The following IL20RA variants were observed in gnomAD, a reference collection of about 807,000 sequenced individuals.
The protein encoded by IL20RA is interleukin-20 receptor subunit alpha.
A neutral mutation model predicts 36.5 loss-of-function variants in IL20RA; 29 were observed. That is an observed-to-expected ratio of 0.79 (90% CI 0.59 to 1.08). The LOEUF is 1.08. IL20RA is among the 50% of genes least tolerant of loss of function. The pLI, the probability that IL20RA is intolerant of heterozygous loss-of-function variation, is 0.00. For missense variants in IL20RA, 652 were observed against 668.4 expected, an observed-to-expected ratio of 0.98 and a Z score of 0.27; for synonymous variants, 279 against 267.1, an observed-to-expected ratio of 1.04 and a Z score of -0.43.
chr6:137,006,268 G>A (rs1054696090), intron 5 of IL20RA, among the ~76,000 whole-genome samples: 6 of 152,180 alleles, frequency 3.9e-5, no homozygotes, highest in African/African-American at 1.4e-4. Context: ...AGTTCCGCAT[G>A]CGGGCCTGTT....
chr6:137,004,639 C>T lies in IL20RA; in HGVS notation c.846G>A (p.Glu282=), dbSNP rs1213168004. Residue 282 remains glutamate, a synonymous_variant, in exon 6 of 7, where the codon GAG becomes GAA. Coordinates refer to ENST00000316649, the MANE Select transcript of IL20RA (RefSeq NM_014432.4). ...TACTCACCAAATTTGCTGGGTGTTT[C>T]TCTTTGCCAACGTGGATATATCGGT... ...SIYRYIHVGK[E]KHPANLILIY... 1.2e-6 allele frequency: 2 copies of T among 1,613,818 alleles called. No homozygotes were observed. The highest frequency in any genetic ancestry group is 8.5e-7 in the Non-Finnish European group (1 of 1,179,904).
chr6:137,011,504 T>TA (rs758393772), intron 2 of IL20RA, 52 bp from the exon 3 acceptor site: 34 of 1,209,108 alleles, frequency 2.8e-5, no homozygotes, highest in African/African-American at 1.4e-4. Flanking sequence ...TACTTTACAA[T>TA]AAAAAAACTC....
At chr6:137,008,865 C>CTGTTTT (rs1775368793) in intron 4 of IL20RA, 122 bp from the exon 5 acceptor site, 1 of 136,900 alleles carries the variant, frequency 7.3e-6, no homozygotes, top group African/African-American at 3.4e-5. Flanking sequence ...TCAGTATAAG[C>CTGTTTT]TTTTTTTTTT....
At chr6:137,009,526 C>G (rs1395802990) in intron 3 of IL20RA, 34 bp from the exon 4 acceptor site, 1 of 1,402,520 alleles carries the variant, frequency 7.1e-7, no homozygotes, top group Non-Finnish European at 1.0e-6. Context: ...TTATCATGTT[C>G]AGATGAAAAA....
intron 2 of IL20RA, among the ~76,000 whole-genome samples, chr6:137,016,079 G>A (rs1353542277): frequency 3.3e-5 from 5 of 152,154 alleles, no homozygotes; most frequent in African/African-American, 9.7e-5. Context: ...GGCTGATGTC[G>A]TAGCCTTCCT....
Position 137,009,449 on chromosome 6 carries a change from C to A in IL20RA, c.447G>T (p.Lys149Asn). 4 of 1,613,012 alleles carry A rather than the reference C, an allele frequency of 2.5e-6. No individual in the cohort carries two copies. Among genetic ancestry groups the A allele is most frequent in the Non-Finnish European group, 3.4e-6 (4 of 1,179,040 alleles). Residue 149 changes from lysine (K) to asparagine (N), a missense_variant, in exon 4 of 7, where the codon AAG becomes AAT. Lys to Asn is a moderately conservative substitution (Grantham distance 94). Transcript: ENST00000316649. ...GAGCTGTCAGGACAACAGAAATGGA[C>A]TTCTCATCTGTAGTCAGTGCCACCT... ...PPEVALTTDE[K>N]SISVVLTAPE...
intron 1 of IL20RA, among the ~76,000 whole-genome samples, chr6:137,030,507 GAC>G (rs773840869): frequency 3.3e-5 from 5 of 152,134 alleles, no homozygotes; most frequent in Admixed American, 6.5e-5. Flanking sequence ...TTCCCCTCAT[GAC>G]ACACACTTCT....
intron 5 of IL20RA, among the ~76,000 whole-genome samples, chr6:137,006,645 A>G (rs1448047762): frequency 6.6e-6 from 1 of 152,232 alleles, no homozygotes; most frequent in African/African-American, 2.4e-5. Context: ...TGTTGGAAAG[A>G]TATCTCTGGT....
At chr6:137,038,520 T>C (rs1776570897) in intron 1 of IL20RA, among the ~76,000 whole-genome samples, 2 of 152,180 alleles carry the variant, frequency 1.3e-5, no homozygotes, top group South Asian at 4.1e-4. Context: ...TTATATGTAA[T>C]TGATAGACCT....
Position 137,001,319 on chromosome 6 carries a change from C to T in IL20RA, c.*239G>A, listed in dbSNP as rs1775024445. ...CTGGCAAACATTTATTGACTGCTTT[C>T]TCTGCATAGAACAACCGGCCAGCCC... On this transcript the variant is annotated 3_prime_UTR_variant, in exon 7 of 7. Coordinates refer to ENST00000316649, the MANE Select transcript of IL20RA (RefSeq NM_014432.4). 2.6e-6 allele frequency: 1 copy of T among 384,070 alleles called. No homozygotes were observed. The highest frequency in any genetic ancestry group is 4.1e-5 in the Admixed American group (1 of 24,332). 23.8% of individuals were successfully genotyped at this position (384,070 alleles called of 1,614,324 possible). A position where few individuals can be genotyped will look rare whatever the true frequency, so the allele number is the denominator to read the frequency against.
In IL20RA at chr6:137,001,508, G is replaced by T. The variant is rs774888035; in HGVS notation, c.*50C>A. 7 of 1,476,700 alleles carry T rather than the reference G, an allele frequency of 4.7e-6. No homozygotes were observed. The highest frequency in any genetic ancestry group is 6.4e-6 in the Non-Finnish European group (7 of 1,101,710). The allele number at this position is 1,476,700 out of a possible 1,614,324, so 91.5% of individuals were successfully genotyped here. ...GTACTTTATGGCTGGGATCAAAGGG[G>T]TGACTCACTTGTTTGCACAGGAAAC... On this transcript the variant is annotated 3_prime_UTR_variant, in exon 7 of 7. Coordinates refer to ENST00000316649, the MANE Select transcript of IL20RA (RefSeq NM_014432.4).
chr6:137,042,853 C>G (rs1776750382), intron 1 of IL20RA: 1 of 152,146 alleles, frequency 6.6e-6, no homozygotes, highest in Non-Finnish European at 1.5e-5. Flanking sequence ...GATAATCCTT[C>G]AATTACGAGC....
intron 6 of IL20RA, among the ~76,000 whole-genome samples, chr6:137,003,164 A>C (rs1424223515): frequency 2.0e-5 from 3 of 152,224 alleles, no homozygotes; most frequent in African/African-American, 7.2e-5. Context: ...ACAGGTGGTC[A>C]ATTCTCCTGT....
chr6:137,041,824 A>G (rs569131635), intron 1 of IL20RA, among the ~76,000 whole-genome samples: 88 of 151,474 alleles, frequency 5.8e-4, no homozygotes, highest in African/African-American at 1.9e-3. Context: ...AAATATATAT[A>G]TATATATACT....
intron 1 of IL20RA, among the ~76,000 whole-genome samples, chr6:137,039,649 T>C (rs990928400): frequency 1.3e-5 from 2 of 152,158 alleles, no homozygotes; most frequent in Non-Finnish European, 2.9e-5. Context: ...GATGTCAGAA[T>C]ATCACAATGA....
chr6:137,044,231 G>A (rs1722079221), intron 1 of IL20RA: 1 of 989,044 alleles, frequency 1.0e-6, no homozygotes, highest in Admixed American at 6.1e-5. Context: ...ATCCACAGGG[G>A]CCCCTCCGCG....
intron 3 of IL20RA, 62 bp from the exon 4 acceptor site, chr6:137,009,554 AC>A: frequency 9.8e-7 from 1 of 1,016,540 alleles, no homozygotes; most frequent in Non-Finnish European, 1.5e-6. Flanking sequence ...AGGTAAAGCT[AC>A]CATATAATCC....
intron 1 of IL20RA, among the ~76,000 whole-genome samples, chr6:137,038,342 A>G (rs991227909): frequency 4.0e-5 from 6 of 148,462 alleles, no homozygotes; most frequent in African/African-American, 1.5e-4. Flanking sequence ...CAGCTTCCCA[A>G]GCAGCTAGGC....
At chr6:137,016,884 C>T (rs967446925) in intron 2 of IL20RA, 84 bp downstream of exon 2, 3 of 1,226,314 alleles carry the variant, frequency 2.4e-6, no homozygotes, top group Non-Finnish European at 3.5e-6. Flanking sequence ...ACATTTAATA[C>T]CACGGAGAGT....
Sources: allele counts gnomAD v4.1 joint callset (sites outside exome capture counted in the v4.1 genomes callset), GRCh38; gene constraint gnomAD v4.1.1; transcripts MANE v1.5; gene names NCBI Gene and HGNC (gene_info 2026-07-23, HGNC 2026-07-21).